Variants in RGS12 observed in about 807,000 individuals in gnomAD.
RGS12 encodes regulator of G protein signaling 12.
In RGS12, 66 loss-of-function variants were observed where a neutral mutation model predicts 120.1. That is an observed-to-expected ratio of 0.55 (90% CI 0.45 to 0.67). The LOEUF (loss-of-function observed/expected upper bound fraction) is 0.67. Ranked by LOEUF, RGS12 falls within the 30% of genes least tolerant of loss-of-function variation. The pLI, the probability that RGS12 is intolerant of heterozygous loss-of-function variation, is 0.00. For synonymous variants in RGS12, 827 were observed against 804.7 expected (o/e 1.03, Z -0.47); for missense variants, 1,859 against 1,957.7 (o/e 0.95, Z 0.95).
chr4:3,347,649 C>T (rs1036318056), intron 3 of RGS12, among the ~76,000 whole-genome samples: 1 of 152,166 alleles, frequency 6.6e-6, no homozygotes, highest in Non-Finnish European at 1.5e-5. Context: ...TTCAGTTAGT[C>T]TGTCGATCTT....
chr4:3,346,664 G>A (rs1021938639), intron 3 of RGS12, among the ~76,000 whole-genome samples: 3 of 152,202 alleles, frequency 2.0e-5, no homozygotes, highest in African/African-American at 7.2e-5. Flanking sequence ...ACAGTGCACA[G>A]GGCTCCAGTC....
intron 4 of RGS12, among the ~76,000 whole-genome samples, chr4:3,401,738 C>T (rs1262140572): frequency 6.6e-6 from 1 of 152,246 alleles, no homozygotes; most frequent in Non-Finnish European, 1.5e-5. Flanking sequence ...TAGAATACAG[C>T]TTGCCATAGA....
Position 3,316,200 on chromosome 4 carries a change from C to G in RGS12, c.30C>G (p.Arg10=), listed in dbSNP as rs763386003. 2 of 1,587,554 alleles carry G rather than the reference C, an allele frequency of 1.3e-6. No homozygotes were observed. Among genetic ancestry groups the G allele is most frequent in the African/African-American group, 2.7e-5 (2 of 74,234 alleles). MFRAGEASK[R]PLPGPSPPRV... ...TTAGAGCTGGGGAGGCCTCCAAACG[C>G]CCATTGCCTGGGCCGTCGCCCCCAA... The change falls in exon 2 of 18, where the codon CGC becomes CGG. Residue 10 remains arginine (R), a synonymous_variant. Transcript: ENST00000336727.
intron 4 of RGS12, among the ~76,000 whole-genome samples, chr4:3,396,187 A>T (rs1448023761): frequency 6.6e-6 from 1 of 152,044 alleles, no homozygotes; most frequent in East Asian, 1.9e-4. Flanking sequence ...GCTGTATTAG[A>T]TATACCTTGT....
chr4:3,355,569 C>G (rs549756843), intron 3 of RGS12, among the ~76,000 whole-genome samples: 1 of 152,072 alleles, frequency 6.6e-6, no homozygotes, highest in South Asian at 2.1e-4. Flanking sequence ...CTGAAGTGGG[C>G]AGATCATTTG....
intron 1 of RGS12, chr4:3,312,383 G>C (rs758935495): frequency 1.1e-3 from 185 of 173,092 alleles, no homozygotes; most frequent in Non-Finnish European, 1.8e-3. Flanking sequence ...CATTAGCCAA[G>C]GTTCACTGGG....
chr4:3,417,014 C>T lies in RGS12; in HGVS notation c.2529C>T (p.Asp843=). The T allele has an allele frequency of 6.2e-7, 1 of 1,613,444 alleles. No individual in the cohort carries two copies. The highest frequency in any genetic ancestry group is 8.5e-7 in the Non-Finnish European group (1 of 1,179,854). The change falls in exon 8 of 18, where the codon GAC becomes GAT. Residue 843 remains aspartate (D), a synonymous_variant. Coordinates refer to ENST00000336727, the MANE Select transcript of RGS12 (RefSeq NM_001394154.1). Reference sequence around the variant, plus strand: ...AAGTGGAGGGCCGTGCACTCCCGGACTCGCAGCAGGTCCCCAGCAGCCCGG... The same window carrying T: ...AAGTGGAGGGCCGTGCACTCCCGGATTCGCAGCAGGTCCCCAGCAGCCCGG... ...LAEVEGRALP[D]SQQVPSSPAS...
At chr4:3,362,618 G>A (rs1355491569) in intron 3 of RGS12, among the ~76,000 whole-genome samples, 5 of 144,742 alleles carry the variant, frequency 3.5e-5, no homozygotes, top group Non-Finnish European at 7.6e-5. Context: ...ATGTCGTGAG[G>A]GGGTGTGTGT....
At position 3,421,455 on chromosome 4, in the gene RGS12, C is replaced by A. The variant is rs532950118; in HGVS notation, c.2838+737C>A. Among the ~76,000 whole-genome samples, 42 of 152,382 alleles carry A rather than the reference C, an allele frequency of 2.8e-4. No homozygotes were observed. The South Asian group carries it at 8.7e-3, about 32-fold the overall frequency. On this transcript the variant is annotated intron_variant, in intron 10 of 17. Coordinates refer to ENST00000336727, the MANE Select transcript of RGS12 (RefSeq NM_001394154.1). ...CCTAATACCTCCGCACCCCCAAACT[C>A]AGAGGCTGGAAACAATTACTGTTGT...
chr4:3,309,447 C>T (rs543806592), intron 1 of RGS12, among the ~76,000 whole-genome samples: 3 of 133,674 alleles, frequency 2.2e-5, no homozygotes, highest in Non-Finnish European at 3.2e-5. Context: ...GGAGCTGGGA[C>T]CCAGGAATGG....
intron 3 of RGS12, among the ~76,000 whole-genome samples, chr4:3,379,043 G>GTGTA (rs1366554186): frequency 5.5e-4 from 75 of 135,394 alleles, no homozygotes; most frequent in African/African-American, 1.8e-3. Flanking sequence ...GTGTGTGTGT[G>GTGTA]TGTTTAGAGA....
chr4:3,380,606 A>G (rs919990459), intron 3 of RGS12, among the ~76,000 whole-genome samples: 1 of 152,230 alleles, frequency 6.6e-6, no homozygotes, highest in Non-Finnish European at 1.5e-5. Flanking sequence ...CCAAACCTCA[A>G]TTCTTGACTT....
intron 4 of RGS12, among the ~76,000 whole-genome samples, chr4:3,411,006 T>C (rs1721680201): frequency 6.6e-6 from 1 of 152,258 alleles, no homozygotes; most frequent in Admixed American, 6.5e-5. Flanking sequence ...TGCCGTGCAC[T>C]GTATCAGTGT....
chr4:3,295,078 G>A (rs1476566874), intron 1 of RGS12, among the ~76,000 whole-genome samples: 1 of 152,224 alleles, frequency 6.6e-6, no homozygotes, highest in East Asian at 1.9e-4. Context: ...TGAGGGTCTC[G>A]GGGAAGAAGG....
chr4:3,333,881 T>C (rs1346466711), intron 2 of RGS12, among the ~76,000 whole-genome samples: 1 of 152,264 alleles, frequency 6.6e-6, no homozygotes, highest in Admixed American at 6.5e-5. Context: ...AGGGAATTGA[T>C]ATCTTTAGGA....
intron 3 of RGS12, among the ~76,000 whole-genome samples, chr4:3,369,061 T>A (rs2108881422): frequency 6.6e-6 from 1 of 152,176 alleles, no homozygotes; most frequent in Non-Finnish European, 1.5e-5. Flanking sequence ...AGCCCCTTCC[T>A]GGGCTGGTGA....
intron 2 of RGS12, among the ~76,000 whole-genome samples, chr4:3,337,925 T>C (rs75326463): frequency 0.038 from 5,803 of 152,318 alleles, 148 homozygotes; most frequent in African/African-American, 0.074. Context: ...GGGTGTTGTC[T>C]CAGGTCAGCC....
intron 13 of RGS12, among the ~76,000 whole-genome samples, chr4:3,424,150 G>T (rs1261225389): frequency 1.3e-5 from 2 of 152,270 alleles, no homozygotes; most frequent in Non-Finnish European, 2.9e-5. Flanking sequence ...AACACCGCGT[G>T]GGGTGGTGAC....
intron 3 of RGS12, among the ~76,000 whole-genome samples, chr4:3,362,653 G>T (rs1715751904): frequency 7.1e-6 from 1 of 141,668 alleles, no homozygotes; most frequent in African/African-American, 2.7e-5. Context: ...GGGTGTGTCA[G>T]TGTGGGACTG....
Sources: gnomAD v4.1 joint callset for allele counts (sites outside exome capture counted in the v4.1 genomes callset) on GRCh38, gnomAD v4.1.1 for gene constraint, MANE v1.5 for transcripts, NCBI Gene and HGNC (gene_info 2026-07-23, HGNC 2026-07-21) for gene names.